Variants in PIEZO1 observed in about 807,000 individuals in gnomAD.
PIEZO1 encodes piezo-type mechanosensitive ion channel component 1.
Under a neutral mutation model 297.2 loss-of-function variants are expected in PIEZO1, and 296 were observed. The observed-to-expected ratio is 1.00, with a 90% CI of 0.91 to 1.10. The LOEUF (loss-of-function observed/expected upper bound fraction) is 1.10. PIEZO1 is among the 50% of genes least tolerant of loss of function. The pLI, the probability that PIEZO1 is intolerant of heterozygous loss-of-function variation, is 0.00. For synonymous variants in PIEZO1, 2,427 were observed against 1,507.5 expected (o/e 1.61, Z -14.13); for missense variants, 5,018 against 3,455.5 (o/e 1.45, Z -11.34).
rs1904294091 is a variant in PIEZO1, at chr16:88,723,078, GC to G, written c.4495+16del. On this transcript the variant is annotated intron_variant, in intron 33 of 50. Transcript: ENST00000301015. The stretch of plus-strand genomic sequence containing the variant: ...GCCAAGAGAGACCTCCCACTCCCCA[GC>G]CCCGGGCCCACGTACCTGCCGCTGC... 1 of 1,546,744 alleles carries G rather than the reference GC, an allele frequency of 6.5e-7. No homozygotes were observed.
chr16:88,759,894 G>T (rs573194949), intron 1 of PIEZO1, among the ~76,000 whole-genome samples: 2 of 152,172 alleles, frequency 1.3e-5, no homozygotes, highest in Non-Finnish European at 2.9e-5. Context: ...AGCTGTGTGG[G>T]GAGGGGACCT....
intron 44 of PIEZO1, 199 bp downstream of exon 44, chr16:88,719,375 T>C: frequency 5.1e-6 from 3 of 589,698 alleles, no homozygotes; most frequent in South Asian, 2.0e-5. Flanking sequence ...TGCCCACTTC[T>C]GCGCCCAGCA....
intron 16 of PIEZO1, 149 bp from the exon 17 acceptor site, chr16:88,734,203 A>T (rs923760861): frequency 1.2e-4 from 146 of 1,177,520 alleles, no homozygotes; most frequent in Non-Finnish European, 1.6e-4. Flanking sequence ...TGTCCCTGTG[A>T]CCTCCACGCT....
In PIEZO1 at chr16:88,721,320, G is replaced by C; in HGVS notation, c.5514C>G (p.Thr1838=). 6.5e-7 allele frequency: 1 copy of C among 1,546,478 alleles called. No homozygotes were observed. ...EEGPGVPAAT[T]EDHIQVEARV... Reference sequence around the variant, plus strand: ...TGGCTTCCACCTGAATGTGGTCTTCGGTGGTGGCCGCAGGCACCCCTGGCC... The same window carrying C: ...TGGCTTCCACCTGAATGTGGTCTTCCGTGGTGGCCGCAGGCACCCCTGGCC... Residue 1838 remains threonine, a synonymous_variant, in exon 39 of 51, where the codon ACC becomes ACG. Coordinates refer to ENST00000301015, the MANE Select transcript of PIEZO1 (RefSeq NM_001142864.4).
chr16:88,783,994 G>C (rs970223371), intron 1 of PIEZO1, among the ~76,000 whole-genome samples: 8 of 152,354 alleles, frequency 5.3e-5, no homozygotes, highest in Non-Finnish European at 1.0e-4. Context: ...AATTCCATCC[G>C]ACTGCTTCCC....
chr16:88,728,472 G>A (rs1355039454), intron 22 of PIEZO1, among the ~76,000 whole-genome samples: 240 of 91,612 alleles, frequency 2.6e-3, no homozygotes, highest in African/African-American at 3.6e-3. Context: ...CGACCCAAAA[G>A]CAAAGTGACC....
In PIEZO1 at chr16:88,726,964, A is replaced by G; in HGVS notation, c.3456-6T>C. The G allele has an allele frequency of 6.5e-7, 1 of 1,550,172 alleles. No individual in the cohort carries two copies. The highest frequency in any genetic ancestry group is 8.7e-7 in the Non-Finnish European group (1 of 1,146,720). ...TCAGCATGTCAAGGTAGGACCTGCCAGGCCGGAGCGTCAGGGCGGGCGCCC... is the reference window on the plus strand; with the variant it reads ...TCAGCATGTCAAGGTAGGACCTGCCGGGCCGGAGCGTCAGGGCGGGCGCCC... On this transcript the variant is annotated splice_polypyrimidine_tract_variant and splice_region_variant and intron_variant, in intron 24 of 50. Coordinates refer to ENST00000301015, the MANE Select transcript of PIEZO1 (RefSeq NM_001142864.4).
chr16:88,719,918 C>T lies in PIEZO1; in HGVS notation c.6207G>A (p.Val2069=), dbSNP rs1912308560. 2 of 1,550,312 alleles carry T rather than the reference C, an allele frequency of 1.3e-6. No homozygotes were observed. Among genetic ancestry groups the T allele is most frequent in the Admixed American group, 2.0e-5 (1 of 50,990 alleles). Residue 2069 remains valine, a synonymous_variant, in exon 43 of 51, where the codon GTG becomes GTA. Coordinates refer to ENST00000301015, the MANE Select transcript of PIEZO1 (RefSeq NM_001142864.4). ...CGGACAGGGCGAAGTAGATGCACTT[C>T]ACGAAGTACCAGAGCTGGGCCACCA... ...QNVVAQLWYF[V]KCIYFALSAY...
chr16:88,764,230 C>A (rs913670504), intron 1 of PIEZO1, among the ~76,000 whole-genome samples: 2 of 152,128 alleles, frequency 1.3e-5, no homozygotes, highest in African/African-American at 4.8e-5. Flanking sequence ...GTCTCGGCCA[C>A]AGGAGATGGG....
intron 1 of PIEZO1, among the ~76,000 whole-genome samples, chr16:88,755,893 A>G (rs993248388): frequency 1.1e-4 from 17 of 152,124 alleles, no homozygotes; most frequent in African/African-American, 4.1e-4. Context: ...AGATCCTGAC[A>G]TGAGAAACCG....
rs1485012167 is a variant in PIEZO1, at chr16:88,731,688, A to C, written c.3196+18T>G. 6.5e-7 allele frequency: 1 copy of C among 1,546,100 alleles called. No homozygotes were observed. The highest frequency in any genetic ancestry group is 2.0e-5 in the Admixed American group (1 of 50,934). ...AAAGCCACAAAGCCCACTCCCACCC[A>C]AGCCACGTGCCCCTCACCAATGCAC... On this transcript the variant is annotated intron_variant, in intron 22 of 50. Transcript: ENST00000301015.
chr16:88,780,936 G>A (rs1001019380), intron 1 of PIEZO1, among the ~76,000 whole-genome samples: 1 of 152,254 alleles, frequency 6.6e-6, no homozygotes, highest in Admixed American at 6.5e-5. Flanking sequence ...CAGCCTGGGC[G>A]ACAGAGTGAG....
chr16:88,768,556 TC>T (rs1907280579), intron 1 of PIEZO1, among the ~76,000 whole-genome samples: 1 of 152,218 alleles, frequency 6.6e-6, no homozygotes, highest in Non-Finnish European at 1.5e-5. Context: ...GCAGCCGAAC[TC>T]CCGGGGGTCC....
chr16:88,737,684 C>T (rs1274659029), intron 9 of PIEZO1, 38 bp from the exon 10 acceptor site: 5 of 1,532,880 alleles, frequency 3.3e-6, no homozygotes, highest in African/African-American at 1.4e-5. Flanking sequence ...ACGGGCTGGC[C>T]GGGCGCCCCC....
In PIEZO1 at chr16:88,723,230, G is replaced by T. The variant is rs1323390371; in HGVS notation, c.4434C>A (p.Pro1478=). The change falls in exon 32 of 51, where the codon CCC becomes CCA. Residue 1478 remains proline (P), a synonymous_variant. Transcript: ENST00000301015. ...TCCCCACGCCCCCCAGCTCACCTGTGGGTAGCTGTCCTGCCTGTTCCTGCC... is the reference window on the plus strand; with the variant it reads ...TCCCCACGCCCCCCAGCTCACCTGTTGGTAGCTGTCCTGCCTGTTCCTGCC... ...QARQEQAGQL[P]TGGGPSQEVE... 1.3e-6 allele frequency: 2 copies of T among 1,547,402 alleles called. No individual in the cohort carries two copies. Among genetic ancestry groups the T allele is most frequent in the Non-Finnish European group, 1.7e-6 (2 of 1,146,834 alleles).
At chr16:88,742,249 C>A (rs1414402231) in intron 3 of PIEZO1, 51 bp downstream of exon 3, 32 of 1,514,848 alleles carry the variant, frequency 2.1e-5, no homozygotes, top group Non-Finnish European at 2.7e-5. Flanking sequence ...GCAGGGCCCT[C>A]TCCCTGACCC....
At chr16:88,781,678 G>C (rs1325464082) in intron 1 of PIEZO1, among the ~76,000 whole-genome samples, 1 of 152,246 alleles carries the variant, frequency 6.6e-6, no homozygotes, top group Non-Finnish European at 1.5e-5. Flanking sequence ...TGCAGGTCCT[G>C]AGACCCGGGC....
chr16:88,732,326 T>G lies in PIEZO1; in HGVS notation c.2991+9A>C. On this transcript the variant is annotated intron_variant, in intron 21 of 50. Transcript: ENST00000301015. ...CCTGCCCCAGGGGGAGGCAATGTCC[T>G]TGCCTCACCTCCAGCCCGAATTTGT... The G allele has an allele frequency of 1.9e-6, 3 of 1,547,800 alleles. No individual in the cohort carries two copies. The highest frequency in any genetic ancestry group is 2.6e-6 in the Non-Finnish European group (3 of 1,145,020).
intron 33 of PIEZO1, 42 bp downstream of exon 33, chr16:88,723,053 G>A (rs1246330463): frequency 6.5e-7 from 1 of 1,544,580 alleles, no homozygotes; most frequent in Admixed American, 2.0e-5. Context: ...AGCCTGTGGG[G>A]CCAAGAGAGA....
Sources: allele counts gnomAD v4.1 joint callset (sites outside exome capture counted in the v4.1 genomes callset), GRCh38; gene constraint gnomAD v4.1.1; transcripts MANE v1.5; gene names NCBI Gene and HGNC (gene_info 2026-07-23, HGNC 2026-07-21).